The following EIF2AK1 variants were observed in gnomAD, a reference collection of about 807,000 sequenced individuals.
The protein encoded by EIF2AK1 is eukaryotic translation initiation factor 2 alpha kinase 1.
A neutral mutation model predicts 77.9 loss-of-function variants in EIF2AK1; 54 were observed. That is an observed-to-expected ratio of 0.69 (90% CI 0.56 to 0.87). The LOEUF (loss-of-function observed/expected upper bound fraction) is 0.87, where lower values mean the gene tolerates loss of function less well. Ranked by LOEUF, EIF2AK1 falls within the 40% of genes least tolerant of loss-of-function variation. The pLI is 0.00. For synonymous variants in EIF2AK1, 314 were observed against 290.5 expected, an observed-to-expected ratio of 1.08 and a Z score of -0.82; for missense variants, 810 against 768.6, an observed-to-expected ratio of 1.05 and a Z score of -0.64.
At chr7:6,044,508 C>A in intron 7 of EIF2AK1, 54 bp downstream of exon 7, 1 of 1,454,756 alleles carries the variant, frequency 6.9e-7, no homozygotes, top group Non-Finnish European at 9.5e-7. Context: ...AGATTTGGTG[C>A]ACGGGCTAAA....
chr7:6,023,541 G>T lies in EIF2AK1; in HGVS notation c.*1132C>A. On this transcript the variant is annotated 3_prime_UTR_variant, in exon 15 of 15. Coordinates refer to ENST00000199389, the MANE Select transcript of EIF2AK1 (RefSeq NM_014413.4). ...TTGGGAAGAGCCCTTGGCTCGCTGG[G>T]AATGAACTCACCGTAGCAGACGTGG... 6.2e-7 allele frequency: 1 copy of T among 1,614,226 alleles called. No individual in the cohort carries two copies. Among genetic ancestry groups the T allele is most frequent in the South Asian group, 1.1e-5 (1 of 91,088 alleles).
chr7:6,052,281 G>T (rs769130083), intron 2 of EIF2AK1, among the ~76,000 whole-genome samples: 25 of 151,152 alleles, frequency 1.7e-4, no homozygotes, highest in Non-Finnish European at 3.4e-4. Context: ...CAAGATTACT[G>T]TATTTTTCTA....
intron 11 of EIF2AK1, among the ~76,000 whole-genome samples, chr7:6,034,539 A>G (rs1317570263): frequency 6.6e-6 from 1 of 151,960 alleles, no homozygotes; most frequent in East Asian, 1.9e-4. Context: ...ACCTCTCTAG[A>G]ACTCTGCCGG....
In EIF2AK1 at chr7:6,024,513, G is replaced by A. The variant is rs762483756; in HGVS notation, c.*160C>T. 48 of 1,437,046 alleles carry A rather than the reference G, an allele frequency of 3.3e-5. No individual in the cohort carries two copies. Among genetic ancestry groups the A allele is most frequent in the Non-Finnish European group, 4.2e-5 (46 of 1,102,004 alleles). The allele number at this position is 1,437,046 out of a possible 1,614,324, so 89.0% of individuals were successfully genotyped here. ...GTAGGAAATTCAGGAAAAGGAGCTT[G>A]TGGGGCAGGAAGGGAAGGAACGGCA... On this transcript the variant is annotated 3_prime_UTR_variant, in exon 15 of 15. Coordinates refer to ENST00000199389, the MANE Select transcript of EIF2AK1 (RefSeq NM_014413.4).
At position 6,024,476 on chromosome 7, in the gene EIF2AK1, G is replaced by C; in HGVS notation, c.*197C>G. ...TTTAGTTTCAGAGACTAGGCATATGGTTAATATTTAGGTAGGAAATTCAGG... is the reference window on the plus strand; with the variant it reads ...TTTAGTTTCAGAGACTAGGCATATGCTTAATATTTAGGTAGGAAATTCAGG... On this transcript the variant is annotated 3_prime_UTR_variant, in exon 15 of 15. Coordinates refer to ENST00000199389, the MANE Select transcript of EIF2AK1 (RefSeq NM_014413.4). The C allele has an allele frequency of 2.8e-6, 4 of 1,418,814 alleles. No homozygotes were observed. The highest frequency in any genetic ancestry group is 3.7e-6 in the Non-Finnish European group (4 of 1,093,508). 87.9% of individuals were successfully genotyped at this position (1,418,814 alleles called of 1,614,324 possible).
In EIF2AK1 at chr7:6,035,962, G is replaced by C; in HGVS notation, c.1332+1462C>G. ...AAAGTCAACGCCCAGGACTACAAGG[G>C]CCAAACAGCCATCCATGAGGCATGC... On this transcript the variant is annotated intron_variant, in intron 11 of 14. Transcript: ENST00000199389. This position sits in a 1 kb window ranked among gnomAD's most constrained non-coding sequence, Gnocchi z 5.5. The C allele has an allele frequency of 6.5e-7, 1 of 1,549,862 alleles. No individual in the cohort carries two copies. The highest frequency in any genetic ancestry group is 8.7e-7 in the Non-Finnish European group (1 of 1,146,404).
At chr7:6,058,424 A>C (rs910521377) in intron 1 of EIF2AK1, among the ~76,000 whole-genome samples, 1 of 152,090 alleles carries the variant, frequency 6.6e-6, no homozygotes. Flanking sequence ...TCAAAAAAAA[A>C]CTTGGGCCTT....
In EIF2AK1 at chr7:6,059,112, C is replaced by T. The variant is rs1403176507; in HGVS notation, c.-29G>A. On this transcript the variant is annotated 5_prime_UTR_variant, in exon 1 of 15. Transcript: ENST00000199389. ...CGGCCGCGCGCGGGCCGCAGCCCAG[C>T]CCGCCGGCCAGCCCAGCACTGCCAC... 3.0e-6 allele frequency: 4 copies of T among 1,338,098 alleles called. No individual in the cohort carries two copies. Among genetic ancestry groups the T allele is most frequent in the Admixed American group, 4.1e-5 (1 of 24,458 alleles). The allele number at this position is 1,338,098 out of a possible 1,614,324, so 82.9% of individuals were successfully genotyped here.
rs752849873 is a variant in EIF2AK1, at chr7:6,046,107, G to A, written c.594C>T (p.Ile198=). The part of the protein sequence containing the change: ...LDGQYYAIKK[I]LIKGATKTVC... ...CTGTTTTAGTTGCACCCTTAATCAG[G>A]ATTTTTTTTATTGCATAATACTGAC... Residue 198 remains isoleucine (I), a synonymous_variant, in exon 6 of 15, where the codon ATC becomes ATT. Transcript: ENST00000199389. 6 of 1,568,908 alleles carry A rather than the reference G, an allele frequency of 3.8e-6. No homozygotes were observed. The South Asian group carries it at 7.1e-5, about 19-fold the overall frequency.
chr7:6,023,682 C>G lies in EIF2AK1; in HGVS notation c.*991G>C. On this transcript the variant is annotated 3_prime_UTR_variant, in exon 15 of 15. Transcript: ENST00000199389. ...CTCCTTTTAACACGGCCCTCAAGCT[C>G]CTTAAGTGAATTGCCGTAACTGATT... 6.2e-7 allele frequency: 1 copy of G among 1,614,032 alleles called. No homozygotes were observed. The highest frequency in any genetic ancestry group is 8.5e-7 in the Non-Finnish European group (1 of 1,180,020).
rs767365918 is a variant in EIF2AK1, at chr7:6,046,091, T to C, written c.610A>G (p.Thr204Ala). 16 of 1,565,906 alleles carry C rather than the reference T, an allele frequency of 1.0e-5. No homozygotes were observed. The highest frequency in any genetic ancestry group is 1.7e-4 in the Middle Eastern group (1 of 5,980). Residue 204 changes from threonine (T) to alanine (A), a missense_variant, in exon 6 of 15, where the codon ACT (threonine) becomes GCT (alanine). Thr to Ala is a moderately conservative substitution (Grantham distance 58). Around this residue, in one of 3 missense-constraint regions of EIF2AK1, gnomAD observed 549 missense variants for 533.7 expected, o/e 1.03. Transcript: ENST00000199389. Reference protein sequence around the residue: ...AIKKILIKGATKTVCMKVLRE... With the variant: ...AIKKILIKGAAKTVCMKVLRE... The stretch of plus-strand genomic sequence containing the variant: ...CATACCTTCATGCAAACTGTTTTAG[T>C]TGCACCCTTAATCAGGATTTTTTTT...
chr7:6,047,169 T>C (rs1384640335), intron 4 of EIF2AK1, 78 bp from the exon 5 acceptor site: 1 of 1,384,168 alleles, frequency 7.2e-7, no homozygotes, highest in African/African-American at 1.4e-5. Flanking sequence ...GCTCACAGGA[T>C]TACTAACCTC....
intron 2 of EIF2AK1, among the ~76,000 whole-genome samples, chr7:6,051,665 T>C (rs534468285): frequency 5.3e-5 from 8 of 151,962 alleles, no homozygotes; most frequent in Non-Finnish European, 1.0e-4. Flanking sequence ...CCTGACCTCG[T>C]GACCCGCCCA....
chr7:6,054,510 A>T (rs374997874), intron 2 of EIF2AK1, 36 bp downstream of exon 2: 1 of 1,609,474 alleles, frequency 6.2e-7, no homozygotes, highest in Non-Finnish European at 8.5e-7. Flanking sequence ...AGCCTTTACA[A>T]GCTTTATTTA....
intron 1 of EIF2AK1, among the ~76,000 whole-genome samples, chr7:6,056,307 A>G (rs1788758892): frequency 6.8e-6 from 1 of 147,462 alleles, no homozygotes; most frequent in Non-Finnish European, 1.5e-5. Flanking sequence ...AAAAAAAAAA[A>G]AAAAAGGCCG....
intron 4 of EIF2AK1, among the ~76,000 whole-genome samples, chr7:6,048,499 C>G (rs146431801): frequency 3.3e-5 from 5 of 152,124 alleles, no homozygotes; most frequent in Middle Eastern, 3.2e-3. Flanking sequence ...TAGGTCAGAC[C>G]AGTTAGATTT....
chr7:6,034,958 G>A (rs1057139413), intron 11 of EIF2AK1, among the ~76,000 whole-genome samples: 6 of 152,118 alleles, frequency 3.9e-5, no homozygotes, highest in South Asian at 2.1e-4. Flanking sequence ...AGGAGTCAAC[G>A]GGAGTTCGGG....
At chr7:6,042,816 A>G in intron 8 of EIF2AK1, 117 bp downstream of exon 8, 2 of 784,242 alleles carry the variant, frequency 2.6e-6, no homozygotes, top group South Asian at 3.5e-5. Context: ...CAGTGAGCCA[A>G]GATTGTGCCA....
In EIF2AK1 at chr7:6,024,787, T is replaced by C; in HGVS notation, c.1779A>G (p.Leu593=). ...TTTCTTGCTCTATTATCTTCATCTG[T>C]AGGGTGAGGTTAACCTGTAAGGAGA... ...FQNSGNVNLT[L]QMKIIEQEKE... Residue 593 remains leucine (L), a synonymous_variant, in exon 15 of 15, where the codon CTA becomes CTG. Coordinates refer to ENST00000199389, the MANE Select transcript of EIF2AK1 (RefSeq NM_014413.4). The C allele has an allele frequency of 1.3e-6, 2 of 1,555,906 alleles. No individual in the cohort carries two copies. The highest frequency in any genetic ancestry group is 1.7e-6 in the Non-Finnish European group (2 of 1,157,738).
Sources: allele counts gnomAD v4.1 joint callset (sites outside exome capture counted in the v4.1 genomes callset), GRCh38; gene constraint gnomAD v4.1.1; regional missense constraint gnomAD v4.1.1; non-coding constraint Gnocchi (gnomAD v3.1); transcripts MANE v1.5; gene names NCBI Gene and HGNC (gene_info 2026-07-23, HGNC 2026-07-21).